The following PUF60 variants were observed in gnomAD, a reference collection of about 807,000 sequenced individuals.
The protein encoded by PUF60 is poly(U) binding splicing factor 60.
In PUF60, 10 loss-of-function variants were observed where a neutral mutation model predicts 61.8. The observed-to-expected ratio is 0.16, with a 90% CI of 0.10 to 0.27. The LOEUF is 0.27. PUF60 is among the 10% of genes least tolerant of loss of function. PUF60 has a pLI of 1.00. For missense variants in PUF60, 371 were observed against 754.0 expected (o/e 0.49, Z 5.95); for synonymous variants, 353 against 300.9 (o/e 1.17, Z -1.79).
rs780592309 is a variant in PUF60 at position 143,817,187 on chromosome 8, C to G, written c.1145-42G>C. The G allele has an allele frequency of 6.5e-7, 1 of 1,534,348 alleles. No individual in the cohort carries two copies. Among genetic ancestry groups the G allele is most frequent in the East Asian group, 2.3e-5 (1 of 42,870 alleles). On this transcript the variant is annotated intron_variant, in intron 10 of 11. Coordinates refer to ENST00000526683, the MANE Select transcript of PUF60 (RefSeq NM_078480.3). This position sits in a 1 kb window ranked among gnomAD's most constrained non-coding sequence, Gnocchi z 7.4. The stretch of plus-strand genomic sequence containing the variant: ...CAGGTCCATCAGTCACTCCCTACCA[C>G]CCCCCTTCCCAGAAAGGCACAGAGC...
rs1002467621 is a variant in PUF60, at chr8:143,825,899, G to C, written c.25-1500C>G. Among the ~76,000 whole-genome samples the C allele has an allele frequency of 3.9e-5, 6 of 152,332 alleles. 1 individual carries two copies. In the Middle Eastern group the frequency reaches 0.01, roughly 259 times the overall value. ...AATCACTGCACTAACCAACAAGTAA[G>C]CCACAACAGTGTTGACAGTGGGATG... On this transcript the variant is annotated intron_variant, in intron 1 of 11. Coordinates refer to ENST00000526683, the MANE Select transcript of PUF60 (RefSeq NM_078480.3).
rs1166413097 is a variant in PUF60 at position 143,820,649 on chromosome 8, T to A, written c.348+17A>T. 6.2e-7 allele frequency: 1 copy of A among 1,608,668 alleles called. No individual in the cohort carries two copies. Among genetic ancestry groups the A allele is most frequent in the Non-Finnish European group, 8.5e-7 (1 of 1,175,660 alleles). Reference sequence around the variant, plus strand: ...CTAAGGACATGAGCCCCGGAAGAAGTGAGCATTTCTATTGACCGATTGCAA... The same window carrying A: ...CTAAGGACATGAGCCCCGGAAGAAGAGAGCATTTCTATTGACCGATTGCAA... On this transcript the variant is annotated intron_variant, in intron 5 of 11. Transcript: ENST00000526683.
chr8:143,819,889 C>T (rs1816817403), intron 5 of PUF60, among the ~76,000 whole-genome samples: 1 of 152,162 alleles, frequency 6.6e-6, no homozygotes, highest in South Asian at 2.1e-4. Flanking sequence ...CCAGCCCGGG[C>T]TCCCATTCAG....
chr8:143,816,437 C>T lies in PUF60; in HGVS notation c.*83G>A. ...TGTAGGCTGGGCTGGGCAGAGCGCG[C>T]CTGGCCCCGGGGACACCACTGTATC... On this transcript the variant is annotated 3_prime_UTR_variant, in exon 12 of 12. Coordinates refer to ENST00000526683, the MANE Select transcript of PUF60 (RefSeq NM_078480.3). The T allele has an allele frequency of 6.8e-7, 1 of 1,473,316 alleles. No individual in the cohort carries two copies. The highest frequency in any genetic ancestry group is 2.3e-5 in the East Asian group (1 of 43,328). The allele number at this position is 1,473,316 out of a possible 1,614,324, so 91.3% of individuals were successfully genotyped here.
At chr8:143,824,261 GGCGGGCGGGCA>G in intron 2 of PUF60, 41 bp downstream of exon 2, 3 of 1,463,442 alleles carry the variant, frequency 2.0e-6, no homozygotes, top group Non-Finnish European at 1.8e-6. Context: ...CAGGCGGGCG[GGCGGGCGGGCA>G]GGCGGGCGGG....
chr8:143,820,276 C>T, intron 5 of PUF60: 2 of 233,216 alleles, frequency 8.6e-6, no homozygotes, highest in South Asian at 6.4e-5. Context: ...GGACCCCTCT[C>T]TCCTCAGGGG....
intron 1 of PUF60, among the ~76,000 whole-genome samples, chr8:143,828,741 G>C (rs990934231): frequency 6.6e-6 from 1 of 152,192 alleles, no homozygotes; most frequent in African/African-American, 2.4e-5. Context: ...TTTCCACGTG[G>C]AGACAAGAGA....
chr8:143,820,064 ACCT>A (rs1256624969), intron 5 of PUF60, among the ~76,000 whole-genome samples: 3 of 151,892 alleles, frequency 2.0e-5, no homozygotes, highest in Non-Finnish European at 1.5e-5. Flanking sequence ...AGGGAGGGAC[ACCT>A]CCTTCCCACA....
Position 143,821,932 on chromosome 8 carries a change from AATCC to A in PUF60, c.112-23_112-20del. 1 of 1,562,662 alleles carries A rather than the reference AATCC, an allele frequency of 6.4e-7. No individual in the cohort carries two copies. Among genetic ancestry groups the A allele is most frequent in the Non-Finnish European group, 8.7e-7 (1 of 1,153,412 alleles). ...CTGTGCCCTGGTAAGGGAGCAGGGG[AATCC>A]ATCAGCAGCAAGCTCAAGTTCTCCT... On this transcript the variant is annotated intron_variant, in intron 2 of 11. Coordinates refer to ENST00000526683, the MANE Select transcript of PUF60 (RefSeq NM_078480.3).
chr8:143,818,157 C>A lies in PUF60; in HGVS notation c.603+36G>T, dbSNP rs370102068. 6.2e-7 allele frequency: 1 copy of A among 1,600,968 alleles called. No homozygotes were observed. The highest frequency in any genetic ancestry group is 8.5e-7 in the Non-Finnish European group (1 of 1,174,248). On this transcript the variant is annotated intron_variant, in intron 7 of 11. Coordinates refer to ENST00000526683, the MANE Select transcript of PUF60 (RefSeq NM_078480.3). This position sits in a 1 kb window ranked among gnomAD's most constrained non-coding sequence, Gnocchi z 7.9. The stretch of plus-strand genomic sequence containing the variant: ...GCTTCCGTGGAGGGGCAGCCCTGCA[C>A]GCCTGCGGGATCGAGGCCTTGGCTC...
At chr8:143,828,478 C>T (rs1315193732) in intron 1 of PUF60, among the ~76,000 whole-genome samples, 2 of 152,202 alleles carry the variant, frequency 1.3e-5, no homozygotes, top group African/African-American at 4.8e-5. Context: ...GGGTGTTCTC[C>T]CTCTACGTTA....
At chr8:143,827,021 C>T (rs144098757) in intron 1 of PUF60, 81 of 277,202 alleles carry the variant, frequency 2.9e-4, no homozygotes, top group African/African-American at 1.8e-3. Flanking sequence ...ACAATGAACA[C>T]TGCTTACTGC....
chr8:143,827,895 A>T (rs4076357), intron 1 of PUF60, among the ~76,000 whole-genome samples: 137,242 of 152,150 alleles, frequency 0.9, 61,961 homozygotes, highest in East Asian at 0.99. Flanking sequence ...TGCGGGTGCT[A>T]GGGGAGTCAG....
chr8:143,820,328 G>C (rs140777733), intron 5 of PUF60: 1 of 371,592 alleles, frequency 2.7e-6, no homozygotes, highest in Non-Finnish European at 4.9e-6. Context: ...GAGACTGACG[G>C]GGCTGGAGGC....
chr8:143,828,932 C>T, intron 1 of PUF60: 1 of 987,184 alleles, frequency 1.0e-6, no homozygotes, highest in Non-Finnish European at 1.2e-6. Context: ...GTCGTGACCA[C>T]GGCGCACACC....
intron 2 of PUF60, chr8:143,822,980 C>CA (rs1245958366): frequency 5.6e-6 from 1 of 177,252 alleles, no homozygotes; most frequent in East Asian, 1.7e-4. Flanking sequence ...CAGGAAGGGA[C>CA]AGGCTGGCCC....
intron 3 of PUF60, 47 bp from the exon 4 acceptor site, chr8:143,821,733 G>A: frequency 1.3e-6 from 2 of 1,545,356 alleles, no homozygotes; most frequent in Admixed American, 1.9e-5. Context: ...GCCCATGGGA[G>A]ACAGGCCTGC....
intron 1 of PUF60, 32 bp from the exon 2 acceptor site, chr8:143,824,431 G>A (rs766301460): frequency 1.9e-6 from 3 of 1,602,862 alleles, no homozygotes; most frequent in South Asian, 1.1e-5. Flanking sequence ...TGTAACGACA[G>A]GCACACCACC....
intron 1 of PUF60, among the ~76,000 whole-genome samples, chr8:143,828,806 C>A (rs944727178): frequency 6.6e-6 from 1 of 152,186 alleles, no homozygotes; most frequent in Non-Finnish European, 1.5e-5. Flanking sequence ...CAGCTGCAGG[C>A]GTAGTGAGCC....
Sources: allele counts gnomAD v4.1 joint callset (sites outside exome capture counted in the v4.1 genomes callset), GRCh38; gene constraint gnomAD v4.1.1; non-coding constraint Gnocchi (gnomAD v3.1); transcripts MANE v1.5; gene names NCBI Gene and HGNC (gene_info 2026-07-23, HGNC 2026-07-21).